ALLC: variants seen among roughly 807,000 people sequenced by gnomAD.
The protein encoded by ALLC is probable inactive allantoicase.
In ALLC, 40 loss-of-function variants were observed where a neutral mutation model predicts 45.0. That is an observed-to-expected ratio of 0.89 (90% CI 0.69 to 1.16). The LOEUF is 1.16. Ranked by LOEUF, ALLC falls within the 50% of genes most tolerant of loss-of-function variation. ALLC has a pLI of 0.00. For synonymous variants in ALLC, 176 were observed against 178.1 expected (o/e 0.99, Z 0.09); for missense variants, 488 against 493.1 (o/e 0.99, Z 0.10).
At chr2:3,668,775 T>C (rs1666792105) in intron 1 of ALLC, among the ~76,000 whole-genome samples, 1 of 150,942 alleles carries the variant, frequency 6.6e-6, no homozygotes, top group Non-Finnish European at 1.5e-5. Flanking sequence ...GGGGTTTCTC[T>C]ATATTAGCCA....
upstream of ALLC, among the ~76,000 whole-genome samples, chr2:3,657,785 C>G (rs1182693460): frequency 6.6e-6 from 1 of 152,054 alleles, no homozygotes; most frequent in Non-Finnish European, 1.5e-5. Flanking sequence ...TGTGTATTTA[C>G]TTTTTCTGGG....
Position 3,680,443 on chromosome 2 carries a change from C to T in ALLC, c.298+449C>T, listed in dbSNP as rs956163170. On this transcript the variant is annotated intron_variant, in intron 5 of 11. Coordinates refer to ENST00000252505, the MANE Select transcript of ALLC (RefSeq NM_018436.4). This position sits in a 1 kb window ranked among gnomAD's most constrained non-coding sequence, Gnocchi z 4.0. ...GCTATGGCATTTTAGGCAAGGGTTC[C>T]TATCTGCATCTTGGAATGCTGGACC... 6.6e-6 allele frequency among the ~76,000 whole-genome samples: 1 copy of T among 152,168 alleles called. No individual in the cohort carries two copies. The highest frequency in any genetic ancestry group is 2.4e-5 in the African/African-American group (1 of 41,436).
At chr2:3,701,064 G>T (rs988912811) in intron 10 of ALLC, among the ~76,000 whole-genome samples, 38 of 152,280 alleles carry the variant, frequency 2.5e-4, no homozygotes, top group African/African-American at 8.9e-4. Context: ...GGTGCCCAGC[G>T]CTAGCTAACA....
chr2:3,698,775 A>T (rs1480948332), intron 10 of ALLC, among the ~76,000 whole-genome samples: 2 of 150,796 alleles, frequency 1.3e-5, no homozygotes, highest in East Asian at 2.0e-4. Flanking sequence ...TATTTATTTA[A>T]TTATACTTTA....
At chr2:3,694,448 A>T (rs1245545683) in intron 7 of ALLC, among the ~76,000 whole-genome samples, 1 of 152,248 alleles carries the variant, frequency 6.6e-6, no homozygotes, top group Admixed American at 6.5e-5. Context: ...TACTCAGAGG[A>T]TGAAGAGTCA....
At chr2:3,682,693 T>C (rs539495217) in intron 6 of ALLC, among the ~76,000 whole-genome samples, 5 of 152,190 alleles carry the variant, frequency 3.3e-5, no homozygotes, top group Non-Finnish European at 5.9e-5. Context: ...GCCCGGCTAA[T>C]TTTTTGTATT....
At chr2:3,673,074 T>TGGGGGGGGGGGGGGGGGGGGGAC (rs1666936166) in intron 2 of ALLC, among the ~76,000 whole-genome samples, 1 of 148,468 alleles carries the variant, frequency 6.7e-6, no homozygotes, top group Non-Finnish European at 1.5e-5. Context: ...GGGGTGGGGA[T>TGGGGGGGGGGGGGGGGGGGGGAC]GGGCCAGCTG....
chr2:3,678,508 T>A lies in ALLC; in HGVS notation c.125T>A (p.Phe42Tyr), dbSNP rs1487449621. ...TTCAAAGAGCATGAATATACGGAGT[T>A]TGGGAAATGGATGGATGGCTGGGAG... ...PCFKEHEYTEFGKWMDGWETR... is the reference protein window; with the variant it reads ...PCFKEHEYTEYGKWMDGWETR... The change falls in exon 4 of 12, where the codon TTT becomes TAT. Residue 42 changes from phenylalanine to tyrosine, a missense_variant. Physicochemically the swap from Phe to Tyr is conservative, Grantham distance 22. Coordinates refer to ENST00000252505, the MANE Select transcript of ALLC (RefSeq NM_018436.4). 6.2e-7 allele frequency: 1 copy of A among 1,613,954 alleles called. No homozygotes were observed. The highest frequency in any genetic ancestry group is 2.2e-5 in the East Asian group (1 of 44,878).
upstream of ALLC, among the ~76,000 whole-genome samples, chr2:3,653,933 C>T (rs554811061): frequency 2.2e-4 from 33 of 152,310 alleles, no homozygotes; most frequent in African/African-American, 4.8e-4. The surrounding 1 kb of genome is among the most constrained non-coding windows in gnomAD (Gnocchi z 4.1). Flanking sequence ...AATTATCCCA[C>T]GATTAATAGA....
At chr2:3,667,267 G>A (rs960145078) in intron 1 of ALLC, among the ~76,000 whole-genome samples, 11 of 152,192 alleles carry the variant, frequency 7.2e-5, no homozygotes, top group Non-Finnish European at 1.3e-4. Context: ...CATTCCCTGG[G>A]ATGGTCACCA....
In ALLC at chr2:3,697,439, A is replaced by G; in HGVS notation, c.833A>G (p.Asp278Gly). The G allele has an allele frequency of 6.2e-7, 1 of 1,613,814 alleles. No individual in the cohort carries two copies. The highest frequency in any genetic ancestry group is 8.5e-7 in the Non-Finnish European group (1 of 1,179,746). Residue 278 changes from aspartate to glycine, a missense_variant, in exon 10 of 12, where the codon GAC (aspartate) becomes GGC (glycine). Transcript: ENST00000252505. ...HPGVITRIEI[D>G]TKYFEGNAPD... ...GGAGTAATAACTCGAATTGAAATTG[A>G]CACAAAATATTTTGAAGGTAAATGC...
chr2:3,696,431 C>T (rs558378310), intron 9 of ALLC, 83 bp downstream of exon 9: 741 of 1,220,316 alleles, frequency 6.1e-4, no homozygotes, highest in Non-Finnish European at 7.8e-4. Context: ...AACTTTTGCA[C>T]ATTTTAGAAA....
chr2:3,652,555 TAACA>T, the ALLC span, among the ~76,000 whole-genome samples: 1 of 151,258 alleles, frequency 6.6e-6, no homozygotes, highest in Non-Finnish European at 1.5e-5. Context: ...TTTTGTTGTG[TAACA>T]AACCACCCCA....
Position 3,696,438 on chromosome 2 carries a change from GA to G in ALLC, c.741+93del, listed in dbSNP as rs1344681336. The G allele has an allele frequency of 5.5e-6, 6 of 1,096,548 alleles. No homozygotes were observed. The African/African-American group carries it at 9.5e-5, about 17-fold the overall frequency. 67.9% of individuals were successfully genotyped at this position (1,096,548 alleles called of 1,614,324 possible). A position where few individuals can be genotyped will look rare whatever the true frequency, so the allele number is the denominator to read the frequency against. On this transcript the variant is annotated intron_variant, in intron 9 of 11. Coordinates refer to ENST00000252505, the MANE Select transcript of ALLC (RefSeq NM_018436.4). The stretch of plus-strand genomic sequence containing the variant: ...TTTAAATAAACTTTTGCACATTTTA[GA>G]AACCTCATATGCATTGTTCTAAATG...
intron 1 of ALLC, among the ~76,000 whole-genome samples, chr2:3,669,649 AAAAT>A (rs142897931): frequency 4.6e-5 from 7 of 152,148 alleles, no homozygotes; most frequent in Admixed American, 1.3e-4. Context: ...CTCCATCTCA[AAAAT>A]AAATAAATAA....
Position 3,671,185 on chromosome 2 carries a change from GGAA to G in ALLC, c.29_31del (p.Gly10_Lys11delinsGlu). The G allele has an allele frequency of 3.7e-6, 6 of 1,610,920 alleles. No individual in the cohort carries two copies. The highest frequency in any genetic ancestry group is 5.1e-6 in the Non-Finnish European group (6 of 1,178,726). On this transcript the variant is annotated inframe_deletion and splice_region_variant, in exon 2 of 12. Coordinates refer to ENST00000252505, the MANE Select transcript of ALLC (RefSeq NM_018436.4). ...GGACATGGCATCTGAATCCGTAGGA[GGAA>G]AAGTAAGTGGGTCTCTCATGGCCAA...
At chr2:3,669,335 G>A (rs560344303) in intron 1 of ALLC, among the ~76,000 whole-genome samples, 7 of 152,300 alleles carry the variant, frequency 4.6e-5, no homozygotes, top group Non-Finnish European at 8.8e-5. Context: ...TTAGCCAGGC[G>A]TGGTGGCAGG....
At chr2:3,687,191 A>C (rs1156520928) in intron 7 of ALLC, among the ~76,000 whole-genome samples, 1 of 150,920 alleles carries the variant, frequency 6.6e-6, no homozygotes, top group Admixed American at 6.6e-5. Context: ...GCATTTATCG[A>C]AATGATCATA....
chr2:3,650,165 G>A, the ALLC span, among the ~76,000 whole-genome samples: 1 of 152,338 alleles, frequency 6.6e-6, no homozygotes, highest in East Asian at 1.9e-4. Flanking sequence ...AAGGGAAGAG[G>A]GCAGCGCTGG....
Sources: allele counts gnomAD v4.1 joint callset (sites outside exome capture counted in the v4.1 genomes callset), GRCh38; gene constraint gnomAD v4.1.1; non-coding constraint Gnocchi (gnomAD v3.1); transcripts MANE v1.5; gene names NCBI Gene and HGNC (gene_info 2026-07-23, HGNC 2026-07-21).